The following PLCD1 variants were observed in gnomAD, a reference collection of about 807,000 sequenced individuals.
The protein encoded by PLCD1 is 1-phosphatidylinositol 4,5-bisphosphate phosphodiesterase delta-1.
In PLCD1, 71 loss-of-function variants were observed where a neutral mutation model predicts 87.4. That is an observed-to-expected ratio of 0.81 (90% CI 0.67 to 0.99). The LOEUF is 0.99. Ranked by LOEUF, PLCD1 falls within the 50% of genes least tolerant of loss-of-function variation. PLCD1 has a pLI of 0.00. For synonymous variants in PLCD1, 348 were observed against 399.2 expected, an observed-to-expected ratio of 0.87 and a Z score of 1.53; for missense variants, 867 against 1,001.5, an observed-to-expected ratio of 0.87 and a Z score of 1.81.
At chr3:38,029,121 G>A (rs900516104) in intron 1 of PLCD1, among the ~76,000 whole-genome samples, 1 of 152,252 alleles carries the variant, frequency 6.6e-6, no homozygotes, top group African/African-American at 2.4e-5. Context: ...GCCCGGATGG[G>A]GCAAGGAGAA....
chr3:38,029,071 C>T (rs2364796), intron 1 of PLCD1, among the ~76,000 whole-genome samples: 1 of 152,262 alleles, frequency 6.6e-6, no homozygotes, highest in South Asian at 2.1e-4. Context: ...CGGCCTGACG[C>T]GGTCCAGGCA....
chr3:38,024,073 G>A (rs1250981141), intron 1 of PLCD1: 2 of 492,854 alleles, frequency 4.1e-6, no homozygotes, highest in African/African-American at 3.9e-5. Flanking sequence ...TAAACAGGAA[G>A]GCGTCGGGTG....
chr3:38,015,910 C>T lies in PLCD1; in HGVS notation c.428+581G>A, dbSNP rs560343963. The stretch of plus-strand genomic sequence containing the variant: ...GCAGCAGGCTGCTCCCCTCAGGCTC[C>T]CCAGACCCCCAACTCCATGCTGGTG... On this transcript the variant is annotated intron_variant, in intron 3 of 14. Coordinates refer to ENST00000334661, the MANE Select transcript of PLCD1 (RefSeq NM_006225.4). Among the ~76,000 whole-genome samples the T allele has an allele frequency of 3.9e-5, 6 of 152,274 alleles. No individual in the cohort carries two copies. In the South Asian group the frequency reaches 1.0e-3, roughly 26 times the overall value.
At chr3:38,012,926 C>T (rs113453552) in intron 3 of PLCD1, among the ~76,000 whole-genome samples, 4,910 of 152,104 alleles carry the variant, frequency 0.032, 114 homozygotes, top group African/African-American at 0.065. Context: ...TTTTTTGAGA[C>T]AGGGTCTCGC....
Position 38,008,824 on chromosome 3 carries a change from G to T in PLCD1, c.1724-188C>A, listed in dbSNP as rs957152144. 6 of 673,112 alleles carry T rather than the reference G, an allele frequency of 8.9e-6. No individual in the cohort carries two copies. In the African/African-American group the frequency reaches 1.1e-4, roughly 12 times the overall value. The allele number at this position is 673,112 out of a possible 1,614,324, so 41.7% of individuals were successfully genotyped here. On this transcript the variant is annotated intron_variant, in intron 11 of 14. Transcript: ENST00000334661. ...GCTAACCACACCTTCCATTCCTGGTGTGAGAATTCAAAGGACTAGTGTGCT... is the reference window on the plus strand; with the variant it reads ...GCTAACCACACCTTCCATTCCTGGTTTGAGAATTCAAAGGACTAGTGTGCT...
intron 1 of PLCD1, among the ~76,000 whole-genome samples, chr3:38,027,383 T>C (rs1575359784): frequency 2.0e-5 from 3 of 152,302 alleles, no homozygotes; most frequent in Non-Finnish European, 4.4e-5. Flanking sequence ...TCATTCAATC[T>C]TCGTAGCAAC....
At position 38,020,190 on chromosome 3, in the gene PLCD1, A is replaced by T; in HGVS notation, c.197T>A (p.Leu66Gln). 6.2e-7 allele frequency: 1 copy of T among 1,613,634 alleles called. No individual in the cohort carries two copies. Among genetic ancestry groups the T allele is most frequent in the South Asian group, 1.1e-5 (1 of 91,078 alleles). The change falls in exon 2 of 15, where the codon CTG becomes CAG. Residue 66 changes from leucine (L) to glutamine (Q), a missense_variant and splice_region_variant. Leu to Gln is a moderately radical substitution (Grantham distance 113). Transcript: ENST00000334661. Reference sequence around the variant, plus strand: ...CCCTGTGACCCCAGGGCACTCACACAGCTGGGACTCCGGGGTCCGCATGAC... The same window carrying T: ...CCCTGTGACCCCAGGGCACTCACACTGCTGGGACTCCGGGGTCCGCATGAC... ...RKVMRTPESQ[L>Q]FSIEDIQEVR...
chr3:38,009,591 C>A lies in PLCD1; in HGVS notation c.1446+62G>T, dbSNP rs1559371249. The A allele has an allele frequency of 2.5e-6, 4 of 1,598,766 alleles. No individual in the cohort carries two copies. In the Middle Eastern group the frequency reaches 5.1e-4, roughly 203 times the overall value. ...CACAGAGAACTGAGACAAGGCAGAC[C>A]TCCCACGGGTGAGGGGATGGGGAAG... On this transcript the variant is annotated intron_variant, in intron 9 of 14. Transcript: ENST00000334661.
At position 38,029,550 on chromosome 3, in the gene PLCD1, C is replaced by A; in HGVS notation, c.-11G>T. On this transcript the variant is annotated 5_prime_UTR_variant, in exon 1 of 15. Transcript: ENST00000334661. ...CCGGCCCGAGTCCATGCCCGACGGG[C>A]GGCGCGGCGGGAGGGGCACCGCGGG... The A allele has an allele frequency of 6.5e-7, 1 of 1,536,940 alleles. No homozygotes were observed. The highest frequency in any genetic ancestry group is 1.4e-5 in the African/African-American group (1 of 73,086).
intron 3 of PLCD1, among the ~76,000 whole-genome samples, chr3:38,013,602 T>A (rs1700115559): frequency 6.6e-6 from 1 of 152,244 alleles, no homozygotes; most frequent in African/African-American, 2.4e-5. Flanking sequence ...TATATCATAA[T>A]TATTTCCCTG....
rs1699978553 is a variant in PLCD1 at position 38,007,582 on chromosome 3, G to A, written c.*191C>T. The A allele has an allele frequency of 2.9e-6, 2 of 700,232 alleles. No homozygotes were observed. The highest frequency in any genetic ancestry group is 3.5e-5 in the African/African-American group (2 of 57,174). The allele number at this position is 700,232 out of a possible 1,614,324, so 43.4% of individuals were successfully genotyped here. ...GCTGCAGTGTTATTCCTAACGGAATGAAGGACAGCTCCAGGGACTGGGCTA... is the reference window on the plus strand; with the variant it reads ...GCTGCAGTGTTATTCCTAACGGAATAAAGGACAGCTCCAGGGACTGGGCTA... On this transcript the variant is annotated 3_prime_UTR_variant, in exon 15 of 15. Transcript: ENST00000334661.
chr3:38,024,095 G>C (rs1700272416), intron 1 of PLCD1: 4 of 516,838 alleles, frequency 7.7e-6, no homozygotes, highest in Middle Eastern at 3.7e-4. Flanking sequence ...CAAGGGATGG[G>C]GAGCGTTGGA....
At chr3:38,024,526 G>A (rs923501855) in intron 1 of PLCD1, 1 of 1,519,168 alleles carries the variant, frequency 6.6e-7, no homozygotes, top group South Asian at 1.2e-5. Flanking sequence ...GCTCTGGTCC[G>A]GGGGGCGGAA....
chr3:38,009,232 C>T, intron 10 of PLCD1, 40 bp downstream of exon 10: 1 of 1,613,626 alleles, frequency 6.2e-7, no homozygotes, highest in Non-Finnish European at 8.5e-7. Flanking sequence ...CCAATTCTCT[C>T]TGTAACAGAG....
rs78861435 is a variant in PLCD1 at position 38,010,476 on chromosome 3, G to C, written c.877C>G (p.Arg293Gly). 2.5e-6 allele frequency: 4 copies of C among 1,614,100 alleles called. No homozygotes were observed. In the African/African-American group the frequency reaches 5.3e-5, roughly 22 times the overall value. ...GGCTGGCCCATGTCCTGGTAGACAC[G>C]GCGGTGTGCCAGGCTGAAGGCGCTG... ...DGSAFSLAHR[R>G]VYQDMGQPLS... The change falls in exon 6 of 15, where the codon CGT becomes GGT. Residue 293 changes from arginine (R) to glycine (G), a missense_variant. Physicochemically the swap from Arg to Gly is moderately radical, Grantham distance 125. Transcript: ENST00000334661.
At chr3:38,021,278 C>CA (rs1487067522) in intron 1 of PLCD1, among the ~76,000 whole-genome samples, 1 of 152,228 alleles carries the variant, frequency 6.6e-6, no homozygotes, top group Non-Finnish European at 1.5e-5. Flanking sequence ...AGCCCCATCT[C>CA]AGAGTGCCCA....
chr3:38,023,244 A>C (rs2154776), intron 1 of PLCD1, among the ~76,000 whole-genome samples: 2,807 of 152,256 alleles, frequency 0.018, 106 homozygotes, highest in East Asian at 0.18. Context: ...ACAGTCACAC[A>C]CTAGACCACC....
Position 38,024,443 on chromosome 3 carries a change from C to T in PLCD1, c.35-4091G>A. On this transcript the variant is annotated intron_variant, in intron 1 of 14. Coordinates refer to ENST00000334661, the MANE Select transcript of PLCD1 (RefSeq NM_006225.4). ...TCCCCAGGCACTGCATGGCCCTCCA[C>T]AGTGCCCCTGCCTGCGCGGAGCCGG... 10 of 1,609,574 alleles carry T rather than the reference C, an allele frequency of 6.2e-6. No homozygotes were observed. In the South Asian group the frequency reaches 8.8e-5, roughly 14 times the overall value.
In PLCD1 at chr3:38,016,448, T is replaced by C. The variant is rs554178546; in HGVS notation, c.428+43A>G. On this transcript the variant is annotated intron_variant, in intron 3 of 14. Coordinates refer to ENST00000334661, the MANE Select transcript of PLCD1 (RefSeq NM_006225.4). Reference sequence around the variant, plus strand: ...TTGCCCTGGGGATAACCACAGCCAGTGTCCACAAGCCAGGCCTGGACCCAC... The same window carrying C: ...TTGCCCTGGGGATAACCACAGCCAGCGTCCACAAGCCAGGCCTGGACCCAC... 3 of 1,365,626 alleles carry C rather than the reference T, an allele frequency of 2.2e-6. No homozygotes were observed. In the South Asian group the frequency reaches 3.6e-5, roughly 16 times the overall value. The allele number at this position is 1,365,626 out of a possible 1,614,324, so 84.6% of individuals were successfully genotyped here. A position where few individuals can be genotyped will look rare whatever the true frequency, so the allele number is the denominator to read the frequency against.
Sources: gnomAD v4.1 joint callset for allele counts (sites outside exome capture counted in the v4.1 genomes callset) on GRCh38, gnomAD v4.1.1 for gene constraint, MANE v1.5 for transcripts, NCBI Gene and HGNC (gene_info 2026-07-23, HGNC 2026-07-21) for gene names.